The following UBE2E2 variants were observed in gnomAD, a reference collection of about 807,000 sequenced individuals.
UBE2E2 encodes ubiquitin-conjugating enzyme E2 E2.
UBE2E2 carries 6 observed loss-of-function variants against 24.7 expected under a neutral mutation model. The ratio of observed to expected loss-of-function variants is 0.24; its 90% CI spans 0.13 to 0.48. The LOEUF is 0.48. Among genes scored for constraint, UBE2E2 ranks in the 20% least tolerant of loss-of-function variants. The probability of loss-of-function intolerance (pLI) is 0.99; values close to 1 mark genes in which losing one functional copy is unlikely to be tolerated. For synonymous variants in UBE2E2, 104 were observed against 83.6 expected (o/e 1.24, Z -1.33); for missense variants, 169 against 245.0 (o/e 0.69, Z 2.07).
At chr3:23,398,959 C>T (rs1382356814) in intron 3 of UBE2E2, among the ~76,000 whole-genome samples, 2 of 152,086 alleles carry the variant, frequency 1.3e-5, no homozygotes, top group Non-Finnish European at 2.9e-5. Flanking sequence ...AAATTAGTCG[C>T]CCTTTATACG....
intron 3 of UBE2E2, among the ~76,000 whole-genome samples, chr3:23,297,531 T>C (rs1698946362): frequency 6.6e-6 from 1 of 152,244 alleles, no homozygotes; most frequent in Admixed American, 6.5e-5. Context: ...TACCTATGGG[T>C]AGCCAGTTTT....
At chr3:23,499,886 C>T (rs1699682940) in intron 4 of UBE2E2, 146 bp downstream of exon 4, 3 of 1,034,152 alleles carry the variant, frequency 2.9e-6, no homozygotes, top group Non-Finnish European at 3.9e-6. Context: ...TAAAATGAAA[C>T]AATGTAAAAA....
chr3:23,560,616 G>A (rs1428789628), intron 5 of UBE2E2, among the ~76,000 whole-genome samples: 4 of 152,040 alleles, frequency 2.6e-5, no homozygotes, highest in Non-Finnish European at 5.9e-5. Flanking sequence ...GGTATTTCTA[G>A]TTCTAGATCC....
At chr3:23,457,461 C>G (rs1370524618) in intron 3 of UBE2E2, among the ~76,000 whole-genome samples, 2 of 152,190 alleles carry the variant, frequency 1.3e-5, no homozygotes, top group East Asian at 3.8e-4. Flanking sequence ...CATCAGTGAT[C>G]TTAGCTAGAT....
intron 4 of UBE2E2, among the ~76,000 whole-genome samples, chr3:23,508,892 T>C (rs996200679): frequency 2.0e-5 from 3 of 152,270 alleles, no homozygotes; most frequent in Admixed American, 6.5e-5. Flanking sequence ...AAAATGAGGA[T>C]CTTCTTTGCC....
chr3:23,585,903 TG>T (rs1265516749), intron 5 of UBE2E2, among the ~76,000 whole-genome samples: 2 of 128,710 alleles, frequency 1.6e-5, no homozygotes, highest in East Asian at 2.6e-4. Context: ...GTTGATAACA[TG>T]TTTTTTTTTT....
intron 3 of UBE2E2, chr3:23,323,421 G>A: frequency 3.6e-6 from 1 of 279,346 alleles, no homozygotes; most frequent in Admixed American, 5.3e-5. Context: ...GGGTCATTTG[G>A]CATGACCCCA....
intron 3 of UBE2E2, among the ~76,000 whole-genome samples, chr3:23,275,416 C>T (rs886140149): frequency 6.6e-5 from 10 of 152,224 alleles, no homozygotes; most frequent in African/African-American, 2.4e-4. Flanking sequence ...TGAGGTGTTA[C>T]AGTAGATTGA....
intron 3 of UBE2E2, among the ~76,000 whole-genome samples, chr3:23,279,088 A>G (rs1319907102): frequency 2.0e-5 from 3 of 152,148 alleles, no homozygotes; most frequent in African/African-American, 2.4e-5. Flanking sequence ...TAATCTTACC[A>G]TGTAACTTAT....
chr3:23,543,370 T>C (rs552892373), intron 5 of UBE2E2, among the ~76,000 whole-genome samples: 169 of 152,238 alleles, frequency 1.1e-3, no homozygotes, highest in Non-Finnish European at 1.7e-3. Flanking sequence ...AGTCTCAGGT[T>C]ACAAAATCAG....
At chr3:23,384,794 G>A (rs1009822974) in intron 3 of UBE2E2, among the ~76,000 whole-genome samples, 1 of 152,122 alleles carries the variant, frequency 6.6e-6, no homozygotes, top group Non-Finnish European at 1.5e-5. Context: ...GCCCACCTCG[G>A]CGTCCAAAAG....
chr3:23,574,541 A>G (rs1032549490), intron 5 of UBE2E2, among the ~76,000 whole-genome samples: 2 of 152,112 alleles, frequency 1.3e-5, no homozygotes, highest in African/African-American at 4.8e-5. Context: ...TAAAAATTAT[A>G]AATTTTTATA....
chr3:23,430,217 T>C (rs1407603688), intron 3 of UBE2E2, among the ~76,000 whole-genome samples: 1 of 152,194 alleles, frequency 6.6e-6, no homozygotes, highest in Non-Finnish European at 1.5e-5. Context: ...CCACCTTCTA[T>C]AATAGCGCAG....
At chr3:23,395,736 C>T (rs531732365) in intron 3 of UBE2E2, among the ~76,000 whole-genome samples, 1 of 152,182 alleles carries the variant, frequency 6.6e-6, no homozygotes, top group Non-Finnish European at 1.5e-5. Context: ...TTATTCTGAA[C>T]TGCAAAACTA....
intron 2 of UBE2E2, among the ~76,000 whole-genome samples, chr3:23,213,838 G>A (rs1417928108): frequency 6.6e-6 from 1 of 152,048 alleles, no homozygotes; most frequent in Non-Finnish European, 1.5e-5. Context: ...ACTTTTAACG[G>A]TAAAAGATCA....
At chr3:23,504,912 C>T (rs377690348) in intron 4 of UBE2E2, among the ~76,000 whole-genome samples, 62 of 95,004 alleles carry the variant, frequency 6.5e-4, no homozygotes, top group East Asian at 2.1e-3. Flanking sequence ...GACATTCTTT[C>T]TTTTTTTTTT....
intron 3 of UBE2E2, among the ~76,000 whole-genome samples, chr3:23,386,585 G>C (rs1338430839): frequency 6.6e-6 from 1 of 152,150 alleles, no homozygotes; most frequent in Non-Finnish European, 1.5e-5. Flanking sequence ...GAACAATTCA[G>C]CTATTATATT....
intron 3 of UBE2E2, among the ~76,000 whole-genome samples, chr3:23,464,245 T>A (rs1280378046): frequency 6.6e-6 from 1 of 152,186 alleles, no homozygotes; most frequent in East Asian, 1.9e-4. Flanking sequence ...TATTTAAATG[T>A]ACTTACTAGT....
intron 3 of UBE2E2, among the ~76,000 whole-genome samples, chr3:23,415,550 G>A (rs1697603502): frequency 6.6e-6 from 1 of 152,136 alleles, no homozygotes; most frequent in Non-Finnish European, 1.5e-5. Context: ...GTGTAGTGCT[G>A]TAAAATGCAT....
Sources: gnomAD v4.1 joint callset for allele counts (sites outside exome capture counted in the v4.1 genomes callset) on GRCh38, gnomAD v4.1.1 for gene constraint, MANE v1.5 for transcripts, NCBI Gene and HGNC (gene_info 2026-07-23, HGNC 2026-07-21) for gene names.